The following CEP63 variants were observed in gnomAD, a reference collection of about 807,000 sequenced individuals.
CEP63 encodes centrosomal protein of 63 kDa.
CEP63 carries 84 observed loss-of-function variants against 89.1 expected under a neutral mutation model. The ratio of observed to expected loss-of-function variants is 0.94; its 90% CI spans 0.79 to 1.13. The LOEUF is 1.13. Ranked by LOEUF, CEP63 falls within the 50% of genes most tolerant of loss-of-function variation. The pLI is 0.00. For missense variants in CEP63, 838 were observed against 813.3 expected (o/e 1.03, Z -0.37); for synonymous variants, 267 against 272.5 (o/e 0.98, Z 0.20).
chr3:134,735,264 T>C, the CEP63 span, among the ~76,000 whole-genome samples: 22 of 152,126 alleles, frequency 1.4e-4, no homozygotes, highest in African/African-American at 5.1e-4. Flanking sequence ...CACACACAGA[T>C]CAATGAATTT....
At chr3:134,613,399 C>G in the CEP63 span, among the ~76,000 whole-genome samples, 1 of 152,126 alleles carries the variant, frequency 6.6e-6, no homozygotes, top group Non-Finnish European at 1.5e-5. Flanking sequence ...GAGCCTGCCC[C>G]AGCCCTGGAA....
the CEP63 span, among the ~76,000 whole-genome samples, chr3:134,754,253 C>T: frequency 6.6e-6 from 1 of 152,216 alleles, no homozygotes; most frequent in Non-Finnish European, 1.5e-5. Context: ...CCTCCAATGC[C>T]CTGAGGCTGT....
the CEP63 span, among the ~76,000 whole-genome samples, chr3:134,632,580 C>CA: frequency 2.6e-5 from 4 of 151,768 alleles, no homozygotes; most frequent in Non-Finnish European, 4.4e-5. Flanking sequence ...TAAAACATAT[C>CA]AAAATGTGTG....
At chr3:134,528,569 C>CGCGTGTGTGT (rs1553763957) in intron 3 of CEP63, among the ~76,000 whole-genome samples, 1 of 147,024 alleles carries the variant, frequency 6.8e-6, no homozygotes, top group Non-Finnish European at 1.5e-5. Context: ...TGTGTGTGTG[C>CGCGTGTGTGT]GTGTGTGTGT....
chr3:134,550,325 C>T lies in CEP63; in HGVS notation c.1380+65C>T, dbSNP rs1954525409. ...TTTTAAAGATGGAGTTGATTAAAGA[C>T]ATAATTTTCATAATATTTAATTCAG... On this transcript the variant is annotated intron_variant, in intron 11 of 14. Transcript: ENST00000675561. The T allele has an allele frequency of 2.2e-6, 3 of 1,370,694 alleles. No homozygotes were observed. The South Asian group carries it at 3.7e-5, about 17-fold the overall frequency. The allele number at this position is 1,370,694 out of a possible 1,614,324, so 84.9% of individuals were successfully genotyped here.
At chr3:134,584,963 T>TG (rs1344613385) in intron 10 of CEP63, among the ~76,000 whole-genome samples, 8 of 146,844 alleles carry the variant, frequency 5.4e-5, no homozygotes, top group African/African-American at 1.8e-4. Context: ...AGGGTTTTTT[T>TG]TTTTTTTTTT....
At chr3:134,637,756 G>A in the CEP63 span, among the ~76,000 whole-genome samples, 7 of 152,268 alleles carry the variant, frequency 4.6e-5, no homozygotes, top group Admixed American at 6.5e-5. Context: ...GCCATCCTGC[G>A]TTACATGCCC....
At position 134,551,894 on chromosome 3, in the gene CEP63, A is replaced by T. The variant is rs1954947328; in HGVS notation, c.1381-32A>T. The T allele has an allele frequency of 2.1e-6, 3 of 1,456,116 alleles. No individual in the cohort carries two copies. The South Asian group carries it at 3.5e-5, about 17-fold the overall frequency. The allele number at this position is 1,456,116 out of a possible 1,614,324, so 90.2% of individuals were successfully genotyped here. ...GTAAGATGCATGTGATTTACATGTT[A>T]TATTTATTTTTTTCTGTTTTCCCCT... is the stretch of plus-strand genomic sequence containing the variant. On this transcript the variant is annotated intron_variant, in intron 11 of 14. Coordinates refer to ENST00000675561, the MANE Select transcript of CEP63 (RefSeq NM_001353108.3).
chr3:134,757,958 C>T, the CEP63 span, among the ~76,000 whole-genome samples: 1 of 152,030 alleles, frequency 6.6e-6, no homozygotes, highest in Non-Finnish European at 1.5e-5. Context: ...CAGAGATGAT[C>T]TAGTGGGGAA....
chr3:134,705,083 A>C, the CEP63 span, among the ~76,000 whole-genome samples: 152,286 of 152,320 alleles, frequency 1, 76,126 homozygotes, highest in Non-Finnish European at 1. Flanking sequence ...AATAACCTGC[A>C]AGAGGCTAAG....
the CEP63 span, among the ~76,000 whole-genome samples, chr3:134,630,468 A>G: frequency 6.6e-6 from 1 of 152,226 alleles, no homozygotes; most frequent in Non-Finnish European, 1.5e-5. Flanking sequence ...CCTATATGGC[A>G]GAGTGAGGAA....
At chr3:134,499,044 G>A (rs1164851494) in intron 2 of CEP63, among the ~76,000 whole-genome samples, 1 of 152,128 alleles carries the variant, frequency 6.6e-6, no homozygotes, top group African/African-American at 2.4e-5. Flanking sequence ...GAGTAAAGGT[G>A]GCCTTGTAGA....
the CEP63 span, among the ~76,000 whole-genome samples, chr3:134,746,836 A>G: frequency 6.6e-6 from 1 of 152,202 alleles, no homozygotes; most frequent in Non-Finnish European, 1.5e-5. Context: ...GACCTTTGTC[A>G]GATGGGTAGA....
In CEP63 at chr3:134,559,170, G is replaced by C; in HGVS notation, c.1694G>C (p.Arg565Thr). The C allele has an allele frequency of 6.2e-7, 1 of 1,614,082 alleles. No homozygotes were observed. The highest frequency in any genetic ancestry group is 8.5e-7 in the Non-Finnish European group (1 of 1,179,976). Residue 565 changes from arginine (R) to threonine (T), a missense_variant, in exon 14 of 15, where the codon AGA (arginine) becomes ACA (threonine). Coordinates refer to ENST00000675561, the MANE Select transcript of CEP63 (RefSeq NM_001353108.3). ...TEFKPTHGQH[R>T]HDGIKTEHYK... ...TCCAGGCCAACCCATGGCCAGCACA[G>C]ACATGATGGAATAAAGACTGAGCAC...
the CEP63 span, among the ~76,000 whole-genome samples, chr3:134,734,918 C>A: frequency 6.6e-6 from 1 of 152,144 alleles, no homozygotes; most frequent in Admixed American, 6.5e-5. Context: ...CCTGCTCTGC[C>A]AGATAATCAT....
At chr3:134,585,382 G>T (rs1958463675) in intron 10 of CEP63, among the ~76,000 whole-genome samples, 1 of 152,100 alleles carries the variant, frequency 6.6e-6, no homozygotes, top group Non-Finnish European at 1.5e-5. Flanking sequence ...ATTCTGGTAT[G>T]TTGTGTCTTT....
chr3:134,487,715 C>T (rs373714980), intron 1 of CEP63, among the ~76,000 whole-genome samples: 1 of 152,368 alleles, frequency 6.6e-6, no homozygotes, highest in East Asian at 1.9e-4. Flanking sequence ...AGCCACAGTA[C>T]TGTCATTACA....
chr3:134,613,141 C>T, the CEP63 span: 16 of 154,262 alleles, frequency 1.0e-4, no homozygotes, highest in Non-Finnish European at 1.8e-4. Context: ...GATTTAGCGG[C>T]GCTGTGGACC....
intron 13 of CEP63, 59 bp from the exon 14 acceptor site, chr3:134,559,091 T>G: frequency 6.3e-7 from 1 of 1,578,168 alleles, no homozygotes; most frequent in Non-Finnish European, 8.7e-7. Flanking sequence ...ACATTTCTGT[T>G]GGAAAGAGAA....
Sources: allele counts gnomAD v4.1 joint callset (sites outside exome capture counted in the v4.1 genomes callset), GRCh38; gene constraint gnomAD v4.1.1; transcripts MANE v1.5; gene names NCBI Gene and HGNC (gene_info 2026-07-23, HGNC 2026-07-21).